The following CNTNAP4 variants were observed in gnomAD, a reference collection of about 807,000 sequenced individuals.
CNTNAP4 encodes contactin associated protein family member 4, also known as contactin-associated protein-like 4.
In CNTNAP4, 98 loss-of-function variants were observed where a neutral mutation model predicts 148.4. The ratio of observed to expected loss-of-function variants is 0.66; its 90% CI spans 0.56 to 0.78. The LOEUF is 0.78. Among genes scored for constraint, CNTNAP4 ranks in the 30% least tolerant of loss-of-function variants. CNTNAP4 has a pLI of 0.00. For missense variants in CNTNAP4, 1,935 were observed against 1,565.6 expected (o/e 1.24, Z -3.98); for synonymous variants, 730 against 565.1 (o/e 1.29, Z -4.14).
intron 1 of CNTNAP4, among the ~76,000 whole-genome samples, chr16:76,305,520 G>T (rs1210075065): frequency 1.3e-5 from 2 of 151,890 alleles, no homozygotes; most frequent in African/African-American, 4.8e-5. Context: ...ATTATCTAAG[G>T]CTTTTGAATT....
At position 76,449,826 on chromosome 16, in the gene CNTNAP4, G is replaced by C. The variant is rs2080390206; in HGVS notation, c.1039G>C (p.Ala347Pro). Reference sequence around the variant, plus strand: ...TAATGGAGTGGATATCATTGATTTGGCCAAGCAGCAAAAACCACAGATCAT... The same window carrying C: ...TAATGGAGTGGATATCATTGATTTGCCCAAGCAGCAAAAACCACAGATCAT... Reference protein sequence around the residue: ...YYNGVDIIDLAKQQKPQIIAM... With the variant: ...YYNGVDIIDLPKQQKPQIIAM... Residue 347 changes from alanine (A) to proline (P), a missense_variant, in exon 7 of 24, where the codon GCC (alanine) becomes CCC (proline). Physicochemically the swap from Ala to Pro is conservative, Grantham distance 27 (BLOSUM62 -1). Coordinates refer to ENST00000611870, the MANE Select transcript of CNTNAP4 (RefSeq NM_033401.5). 1 of 1,607,962 alleles carries C rather than the reference G, an allele frequency of 6.2e-7. No homozygotes were observed. Among genetic ancestry groups the C allele is most frequent in the Admixed American group, 1.7e-5 (1 of 59,174 alleles).
intron 3 of CNTNAP4, among the ~76,000 whole-genome samples, chr16:76,412,948 G>T (rs144828999): frequency 7.2e-4 from 109 of 151,382 alleles, no homozygotes; most frequent in African/African-American, 2.3e-3. Flanking sequence ...ATTCACTTCT[G>T]CATACGGTTT....
chr16:76,423,634 A>T (rs986088256), intron 3 of CNTNAP4, among the ~76,000 whole-genome samples: 2 of 152,180 alleles, frequency 1.3e-5, no homozygotes, highest in South Asian at 4.1e-4. Flanking sequence ...CATGCACTGA[A>T]CTTTTCATTT....
intron 1 of CNTNAP4, among the ~76,000 whole-genome samples, chr16:76,298,519 TGTGTGTGTGTGA>T (rs755768874): frequency 0.038 from 5,760 of 149,736 alleles, 191 homozygotes; most frequent in Admixed American, 0.11. Flanking sequence ...TGTGTGTGTG[TGTGTGTGTGTGA>T]GGTAAGGGGC....
chr16:76,473,509 C>T (rs1303188880), intron 10 of CNTNAP4, among the ~76,000 whole-genome samples: 2 of 152,110 alleles, frequency 1.3e-5, no homozygotes, highest in South Asian at 2.1e-4. Flanking sequence ...AAGGAGATGG[C>T]AGACCTGTAA....
In CNTNAP4 at chr16:76,541,050, G is replaced by A. The variant is rs144226215; in HGVS notation, c.3442+260G>A. 3.3e-5 allele frequency among the ~76,000 whole-genome samples: 5 copies of A among 151,776 alleles called. No individual in the cohort carries two copies. The East Asian group carries it at 9.7e-4, about 29-fold the overall frequency. On this transcript the variant is annotated intron_variant, in intron 21 of 23. Coordinates refer to ENST00000611870, the MANE Select transcript of CNTNAP4 (RefSeq NM_033401.5). ...GTCTCAATAAAGTATAATGAAATAT[G>A]GTATTATTCTCACATTTCAAAAATA... is the stretch of plus-strand genomic sequence containing the variant.
intron 3 of CNTNAP4, among the ~76,000 whole-genome samples, chr16:76,421,102 A>G (rs1046292915): frequency 2.0e-5 from 3 of 151,972 alleles, no homozygotes; most frequent in Non-Finnish European, 2.9e-5. Context: ...TGGCTATTTG[A>G]TCTGTCTTGG....
At chr16:76,470,947 C>G (rs546835210) in intron 10 of CNTNAP4, among the ~76,000 whole-genome samples, 1 of 152,120 alleles carries the variant, frequency 6.6e-6, no homozygotes, top group African/African-American at 2.4e-5. Context: ...CTTTCACACA[C>G]CATCCTCACA....
At chr16:76,454,111 C>CTTTTTTTTTTTTTTTTT in intron 8 of CNTNAP4, among the ~76,000 whole-genome samples, 1 of 130,098 alleles carries the variant, frequency 7.7e-6, no homozygotes, top group Non-Finnish European at 1.6e-5. Context: ...CTATTTCTTT[C>CTTTTTTTTTTTTTTTTT]TTTTTTTTTT....
chr16:76,522,762 TTTTCTTTTCTTTTCTTTC>T, intron 17 of CNTNAP4, among the ~76,000 whole-genome samples: 1 of 106,924 alleles, frequency 9.4e-6, no homozygotes, highest in Non-Finnish European at 2.0e-5. Context: ...TTTTCTTTTC[TTTTCTTTTCTTTTCTTTC>T]TTGACAGAGT....
At chr16:76,353,859 A>T (rs1567821325) in intron 2 of CNTNAP4, among the ~76,000 whole-genome samples, 1 of 152,208 alleles carries the variant, frequency 6.6e-6, no homozygotes, top group Non-Finnish European at 1.5e-5. Flanking sequence ...AGTACTTGTC[A>T]ACACTGGTGT....
chr16:76,335,326 A>G (rs187013400), intron 2 of CNTNAP4, among the ~76,000 whole-genome samples: 3 of 152,250 alleles, frequency 2.0e-5, no homozygotes, highest in Admixed American at 1.3e-4. Flanking sequence ...CAAACCCTTC[A>G]TCTCCCACCT....
At chr16:76,280,646 C>T (rs1958652168) in intron 1 of CNTNAP4, among the ~76,000 whole-genome samples, 2 of 152,104 alleles carry the variant, frequency 1.3e-5, no homozygotes, top group African/African-American at 4.8e-5. Context: ...TTGTTCTCAT[C>T]AAGATGAGCT....
At chr16:76,369,527 G>A (rs9932888) in intron 3 of CNTNAP4, among the ~76,000 whole-genome samples, 3,811 of 152,288 alleles carry the variant, frequency 0.025, 130 homozygotes, top group African/African-American at 0.085. Context: ...TCCAAAGGCA[G>A]AAGAACATGA....
rs919018505 is a variant in CNTNAP4, at chr16:76,476,119, T to G, written c.1762+74T>G. The G allele has an allele frequency of 2.0e-5, 20 of 988,526 alleles. No individual in the cohort carries two copies. In the Admixed American group the frequency reaches 3.8e-4, roughly 19 times the overall value. 61.2% of individuals were successfully genotyped at this position (988,526 alleles called of 1,614,324 possible). On this transcript the variant is annotated intron_variant, in intron 11 of 23. Transcript: ENST00000611870. Reference sequence around the variant, plus strand: ...TCCCATTTCCCTTTTCATTGCTGTGTGTATATATGTCTGTTCTGTGCAAAC... The same window carrying G: ...TCCCATTTCCCTTTTCATTGCTGTGGGTATATATGTCTGTTCTGTGCAAAC...
At chr16:76,404,980 C>A (rs2078551469) in intron 3 of CNTNAP4, among the ~76,000 whole-genome samples, 1 of 152,046 alleles carries the variant, frequency 6.6e-6, no homozygotes, top group Admixed American at 6.6e-5. Context: ...TCACATTGTA[C>A]CCCATAAATA....
chr16:76,309,704 C>A (rs1960881380), intron 1 of CNTNAP4: 2 of 584,684 alleles, frequency 3.4e-6, no homozygotes, highest in African/African-American at 3.8e-5. Context: ...AGAATTCCCA[C>A]GTGTTGTGAC....
chr16:76,557,069 G>C (rs2085228388), intron 23 of CNTNAP4, among the ~76,000 whole-genome samples: 1 of 152,098 alleles, frequency 6.6e-6, no homozygotes, highest in Non-Finnish European at 1.5e-5. Context: ...TATTTTCATA[G>C]TACCTATTTT....
intron 4 of CNTNAP4, among the ~76,000 whole-genome samples, chr16:76,430,655 C>T (rs1003794623): frequency 6.6e-6 from 1 of 152,198 alleles, no homozygotes; most frequent in Non-Finnish European, 1.5e-5. Flanking sequence ...GGATTGCATG[C>T]AACTGGCCAT....
Sources: gnomAD v4.1 joint callset for allele counts (sites outside exome capture counted in the v4.1 genomes callset) on GRCh38, gnomAD v4.1.1 for gene constraint, MANE v1.5 for transcripts, NCBI Gene and HGNC (gene_info 2026-07-23, HGNC 2026-07-21) for gene names.